KCNJ6: variants seen among roughly 807,000 people sequenced by gnomAD.
KCNJ6 encodes G protein-activated inward rectifier potassium channel 2.
In KCNJ6, 9 loss-of-function variants were observed where a neutral mutation model predicts 34.2. That is an observed-to-expected ratio of 0.26 (90% CI 0.16 to 0.46). The LOEUF is 0.46. KCNJ6 is among the 20% of genes least tolerant of loss of function. The pLI is 1.00. For synonymous variants in KCNJ6, 196 were observed against 207.1 expected, an observed-to-expected ratio of 0.95 and a Z score of 0.46; for missense variants, 236 against 531.3, an observed-to-expected ratio of 0.44 and a Z score of 5.46.
chr21:37,681,538 G>C (rs1709810), intron 3 of KCNJ6, among the ~76,000 whole-genome samples: 148,867 of 152,302 alleles, frequency 0.98, 72,793 homozygotes, highest in East Asian at 1. Context: ...GTAATTTGAT[G>C]AAGTGCTTCT....
At chr21:37,803,319 T>C (rs575687258) in intron 2 of KCNJ6, among the ~76,000 whole-genome samples, 1 of 152,224 alleles carries the variant, frequency 6.6e-6, no homozygotes, top group Admixed American at 6.5e-5. Context: ...TGGCCAAGAA[T>C]CTATGACCTC....
At chr21:37,779,505 A>G (rs2055159077) in intron 2 of KCNJ6, among the ~76,000 whole-genome samples, 1 of 152,044 alleles carries the variant, frequency 6.6e-6, no homozygotes, top group South Asian at 2.1e-4. Flanking sequence ...CCATCCATAG[A>G]CCCCATTGCA....
chr21:37,692,967 CAAAG>C lies in KCNJ6; in HGVS notation c.946+21240_946+21243del, dbSNP rs779059474. On this transcript the variant is annotated intron_variant, in intron 3 of 3. Transcript: ENST00000609713. ...TCTTTATTTGGGTTGACAAGAGCCA[CAAAG>C]AAACTCATTCTGTAAGTGAGCTTCT... 2.6e-5 allele frequency among the ~76,000 whole-genome samples: 4 copies of C among 152,124 alleles called. No individual in the cohort carries two copies. The South Asian group carries it at 6.2e-4, about 24-fold the overall frequency.
intron 2 of KCNJ6, among the ~76,000 whole-genome samples, chr21:37,763,348 C>T (rs2055075424): frequency 1.3e-5 from 2 of 152,160 alleles, no homozygotes; most frequent in Admixed American, 6.5e-5. Flanking sequence ...GAGGTGATTC[C>T]CTGAACAGCT....
chr21:37,883,060 G>A (rs941295956), intron 1 of KCNJ6, among the ~76,000 whole-genome samples: 3 of 152,184 alleles, frequency 2.0e-5, no homozygotes, highest in East Asian at 1.9e-4. Context: ...GCGCTTTTAC[G>A]CCGGTGCAGG....
chr21:37,866,131 G>A (rs1175262507), intron 1 of KCNJ6, among the ~76,000 whole-genome samples: 1 of 152,114 alleles, frequency 6.6e-6, no homozygotes, highest in Non-Finnish European at 1.5e-5. Context: ...TTCTTTAAAC[G>A]CTGGCTTGAA....
chr21:37,706,420 CAT>C (rs991147875), intron 3 of KCNJ6, among the ~76,000 whole-genome samples: 12 of 152,196 alleles, frequency 7.9e-5, no homozygotes, highest in Admixed American at 2.6e-4. Context: ...TAGGCACTGC[CAT>C]ATGACTTGCT....
intron 3 of KCNJ6, among the ~76,000 whole-genome samples, chr21:37,633,969 A>AG (rs758681235): frequency 6.6e-6 from 1 of 152,220 alleles, no homozygotes; most frequent in Non-Finnish European, 1.5e-5. Flanking sequence ...TTACACCATG[A>AG]GGAAGTACAA....
At position 37,616,877 on chromosome 21, in the gene KCNJ6, G is replaced by C. The variant is rs1384514451; in HGVS notation, c.*8282C>G. 2 of 151,842 alleles carry C rather than the reference G, an allele frequency of 1.3e-5. No individual in the cohort carries two copies. Among genetic ancestry groups the C allele is most frequent in the African/African-American group, 2.4e-5 (1 of 41,306 alleles). 9.4% of individuals were successfully genotyped at this position (151,842 alleles called of 1,614,324 possible). ...TGGGCACCAGGAGACAGCATAAGTTGTGTCTGTAAGTGCTGCAATGCAGAG... is the reference window on the plus strand; with the variant it reads ...TGGGCACCAGGAGACAGCATAAGTTCTGTCTGTAAGTGCTGCAATGCAGAG... On this transcript the variant is annotated 3_prime_UTR_variant, in exon 4 of 4. Coordinates refer to ENST00000609713, the MANE Select transcript of KCNJ6 (RefSeq NM_002240.5).
chr21:37,669,619 C>T (rs974479542), intron 3 of KCNJ6, among the ~76,000 whole-genome samples: 1 of 150,630 alleles, frequency 6.6e-6, no homozygotes, highest in Non-Finnish European at 1.5e-5. Context: ...GCATATGCAT[C>T]TCTGCTATAA....
At chr21:37,855,631 A>T (rs114943907) in intron 1 of KCNJ6, among the ~76,000 whole-genome samples, 2,278 of 152,296 alleles carry the variant, frequency 0.015, 58 homozygotes, top group African/African-American at 0.051. Flanking sequence ...CAGAAGGCAG[A>T]AGTCAAGAAT....
intron 2 of KCNJ6, among the ~76,000 whole-genome samples, chr21:37,740,065 CTA>C (rs1172723551): frequency 6.6e-6 from 1 of 152,152 alleles, no homozygotes; most frequent in Non-Finnish European, 1.5e-5. Context: ...CTCACTGGGA[CTA>C]TTTTAAAACG....
At chr21:37,826,204 AT>A (rs2055398367) in intron 2 of KCNJ6, among the ~76,000 whole-genome samples, 2 of 138,460 alleles carry the variant, frequency 1.4e-5, no homozygotes, top group Non-Finnish European at 3.0e-5. Flanking sequence ...ATAATCCAGT[AT>A]AGAAATGTGC....
At chr21:37,836,180 C>G (rs1192688327) in intron 2 of KCNJ6, among the ~76,000 whole-genome samples, 2 of 152,104 alleles carry the variant, frequency 1.3e-5, no homozygotes, top group African/African-American at 4.8e-5. Flanking sequence ...CAAATCAAAA[C>G]CACAATGAGA....
intron 2 of KCNJ6, among the ~76,000 whole-genome samples, chr21:37,718,000 A>G (rs948841012): frequency 1.6e-4 from 24 of 152,212 alleles, no homozygotes; most frequent in African/African-American, 5.8e-4. Context: ...ATGAGTAGCG[A>G]TCAGTGCTCT....
At chr21:37,718,134 T>G (rs894579288) in intron 2 of KCNJ6, among the ~76,000 whole-genome samples, 2 of 152,084 alleles carry the variant, frequency 1.3e-5, no homozygotes, top group African/African-American at 4.8e-5. Flanking sequence ...CCATCTGGAG[T>G]TGAGTGTGTC....
intron 2 of KCNJ6, among the ~76,000 whole-genome samples, chr21:37,832,708 G>T (rs2055432181): frequency 6.6e-6 from 1 of 152,136 alleles, no homozygotes; most frequent in African/African-American, 2.4e-5. Flanking sequence ...TCTGTATCTG[G>T]TGGGGGGCGG....
chr21:37,823,757 T>A (rs1340431452), intron 2 of KCNJ6, among the ~76,000 whole-genome samples: 1 of 152,214 alleles, frequency 6.6e-6, no homozygotes, highest in East Asian at 1.9e-4. Flanking sequence ...TAGTTCTTCA[T>A]AGCAGTGTAA....
intron 3 of KCNJ6, among the ~76,000 whole-genome samples, chr21:37,667,540 G>C (rs1255344220): frequency 6.6e-6 from 1 of 151,778 alleles, no homozygotes; most frequent in East Asian, 1.9e-4. Flanking sequence ...GCGGGGTCCG[G>C]GGTAGCGGGC....
Sources: gnomAD v4.1 joint callset for allele counts (sites outside exome capture counted in the v4.1 genomes callset) on GRCh38, gnomAD v4.1.1 for gene constraint, MANE v1.5 for transcripts, NCBI Gene and HGNC (gene_info 2026-07-23, HGNC 2026-07-21) for gene names.